The following TAFA2 variants were observed in gnomAD, a reference collection of about 807,000 sequenced individuals.
The protein encoded by TAFA2 is chemokine-like protein TAFA-2.
In TAFA2, 7 loss-of-function variants were observed where a neutral mutation model predicts 18.8. That is an observed-to-expected ratio of 0.37 (90% CI 0.21 to 0.70). TAFA2 has a LOEUF of 0.70. Among genes scored for constraint, TAFA2 ranks in the 30% least tolerant of loss-of-function variants. The pLI is 0.53. For synonymous variants in TAFA2, 60 were observed against 54.2 expected, an observed-to-expected ratio of 1.11 and a Z score of -0.47; for missense variants, 122 against 158.1, an observed-to-expected ratio of 0.77 and a Z score of 1.23.
At chr12:61,879,566 A>G (rs1875024883) in intron 1 of TAFA2, 1 of 741,752 alleles carries the variant, frequency 1.3e-6, no homozygotes, top group African/African-American at 1.7e-5. Flanking sequence ...GTGGACCCCA[A>G]CATCCAGGCC....
chr12:62,204,054 T>C (rs2062682388), intron 1 of TAFA2, among the ~76,000 whole-genome samples: 2 of 152,234 alleles, frequency 1.3e-5, no homozygotes, highest in Admixed American at 1.3e-4. Flanking sequence ...CCTCAGCATT[T>C]GCTTGCCTGG....
chr12:61,780,037 G>T (rs1346727528), intron 2 of TAFA2, among the ~76,000 whole-genome samples: 1 of 151,722 alleles, frequency 6.6e-6, no homozygotes, highest in South Asian at 2.1e-4. Context: ...GATAACAAGA[G>T]TTATAATATT....
intron 1 of TAFA2, among the ~76,000 whole-genome samples, chr12:61,991,902 T>C: frequency 6.6e-6 from 1 of 152,236 alleles, no homozygotes; most frequent in East Asian, 1.9e-4. Flanking sequence ...TACTGATGAC[T>C]TCCTGCTTTT....
intron 2 of TAFA2, among the ~76,000 whole-genome samples, chr12:61,822,953 ATGAT>A (rs570325387): frequency 1.8e-3 from 269 of 152,278 alleles, no homozygotes; most frequent in Non-Finnish European, 2.9e-3. Context: ...TCATGTCTTC[ATGAT>A]TGATTATTTT....
intron 1 of TAFA2, among the ~76,000 whole-genome samples, chr12:61,928,266 C>T (rs1435685271): frequency 1.3e-5 from 2 of 152,170 alleles, no homozygotes; most frequent in Non-Finnish European, 2.9e-5. Context: ...ATCCATCTGA[C>T]AAGGGGCTGA....
intron 1 of TAFA2, among the ~76,000 whole-genome samples, chr12:61,884,155 T>C (rs1325689729): frequency 6.6e-6 from 1 of 152,136 alleles, no homozygotes; most frequent in African/African-American, 2.4e-5. Context: ...AGTAATCTCA[T>C]TTGGCTCCAC....
chr12:62,220,534 G>T (rs1028910575), intron 1 of TAFA2, among the ~76,000 whole-genome samples: 3 of 152,134 alleles, frequency 2.0e-5, no homozygotes, highest in Non-Finnish European at 4.4e-5. Flanking sequence ...TCATATATTT[G>T]TCAAAACCCA....
intron 1 of TAFA2, among the ~76,000 whole-genome samples, chr12:61,901,064 C>A (rs937721351): frequency 2.0e-5 from 3 of 152,094 alleles, no homozygotes; most frequent in African/African-American, 2.4e-5. Context: ...ATGTTGGAAT[C>A]TCTTTTAAGA....
intron 1 of TAFA2, among the ~76,000 whole-genome samples, chr12:62,005,751 C>T (rs567785650): frequency 6.6e-6 from 1 of 152,192 alleles, no homozygotes; most frequent in South Asian, 2.1e-4. Flanking sequence ...CACAAAAATA[C>T]TATATGGATT....
At chr12:61,717,327 G>A (rs1438129607) in intron 4 of TAFA2, among the ~76,000 whole-genome samples, 1 of 152,132 alleles carries the variant, frequency 6.6e-6, no homozygotes, top group African/African-American at 2.4e-5. Flanking sequence ...TTTCAGGTAA[G>A]GTAAGGCACT....
At chr12:61,786,352 C>T (rs1336227136) in intron 2 of TAFA2, among the ~76,000 whole-genome samples, 1 of 151,390 alleles carries the variant, frequency 6.6e-6, no homozygotes, top group Non-Finnish European at 1.5e-5. Context: ...ACCTGTGTCC[C>T]AGAACAAAGT....
chr12:62,062,351 T>G (rs1277405935), intron 1 of TAFA2, among the ~76,000 whole-genome samples: 1 of 152,162 alleles, frequency 6.6e-6, no homozygotes, highest in Admixed American at 6.5e-5. Context: ...AGGGGAACAC[T>G]GATGGGGCGT....
intron 2 of TAFA2, among the ~76,000 whole-genome samples, chr12:61,762,402 G>T (rs909441980): frequency 4.6e-5 from 7 of 151,948 alleles, no homozygotes; most frequent in African/African-American, 1.4e-4. Context: ...CTTTTCCAAA[G>T]AATTGGTTTG....
At chr12:61,749,716 A>G (rs1325570662) in intron 4 of TAFA2, among the ~76,000 whole-genome samples, 1 of 152,126 alleles carries the variant, frequency 6.6e-6, no homozygotes, top group Non-Finnish European at 1.5e-5. Flanking sequence ...ATTAGCCAGA[A>G]AATTTCTTCT....
chr12:62,033,781 A>G (rs773938991), intron 1 of TAFA2, among the ~76,000 whole-genome samples: 96 of 152,162 alleles, frequency 6.3e-4, no homozygotes, highest in Non-Finnish European at 1.1e-3. Flanking sequence ...GCTGGTTTAA[A>G]TTATAGCTAT....
chr12:61,969,414 T>C (rs1592520865), intron 1 of TAFA2, among the ~76,000 whole-genome samples: 1 of 151,776 alleles, frequency 6.6e-6, no homozygotes, highest in African/African-American at 2.4e-5. Flanking sequence ...GAATCCTGAC[T>C]CGGTTTCTGA....
chr12:61,811,927 G>A (rs1871885497), intron 2 of TAFA2, among the ~76,000 whole-genome samples: 2 of 151,412 alleles, frequency 1.3e-5, no homozygotes, highest in African/African-American at 4.9e-5. Flanking sequence ...TTATACACTA[G>A]GTAGATAAAT....
At chr12:62,168,347 A>C (rs2062453965) in intron 1 of TAFA2, among the ~76,000 whole-genome samples, 1 of 152,224 alleles carries the variant, frequency 6.6e-6, no homozygotes, top group Non-Finnish European at 1.5e-5. Context: ...AAAAATCTAA[A>C]TTGAATATGA....
At chr12:61,956,355 T>C (rs957733832) in intron 1 of TAFA2, among the ~76,000 whole-genome samples, 2 of 152,070 alleles carry the variant, frequency 1.3e-5, no homozygotes, top group Non-Finnish European at 2.9e-5. Context: ...CTCATTTACT[T>C]CCATGTTTCT....
Sources: allele counts gnomAD v4.1 joint callset (sites outside exome capture counted in the v4.1 genomes callset), GRCh38; gene constraint gnomAD v4.1.1; transcripts MANE v1.5; gene names NCBI Gene and HGNC (gene_info 2026-07-23, HGNC 2026-07-21).